ANKFN1: variants seen among roughly 807,000 people sequenced by gnomAD.
ANKFN1 encodes the protein ankyrin repeat and fibronectin type III domain containing 1, also known as ankyrin repeat and fibronectin type-III domain-containing protein 1.
A neutral mutation model predicts 108.7 loss-of-function variants in ANKFN1; 74 were observed. The ratio of observed to expected loss-of-function variants is 0.68; its 90% CI spans 0.56 to 0.83. The LOEUF is 0.83. ANKFN1 is among the 40% of genes least tolerant of loss of function. The probability of loss-of-function intolerance (pLI) is 0.00; values close to 1 mark genes in which losing one functional copy is unlikely to be tolerated. For missense variants in ANKFN1, 1,505 were observed against 1,382.3 expected, an observed-to-expected ratio of 1.09 and a Z score of -1.41; for synonymous variants, 547 against 516.2, an observed-to-expected ratio of 1.06 and a Z score of -0.81.
At chr17:56,404,224 G>A (rs557567544) in intron 8 of ANKFN1, among the ~76,000 whole-genome samples, 1 of 152,202 alleles carries the variant, frequency 6.6e-6, no homozygotes, top group African/African-American at 2.4e-5. Flanking sequence ...GCAAGGCTGG[G>A]GAAGATTTCC....
chr17:56,093,959 C>T (rs909758727), intron 4 of ANKFN1, among the ~76,000 whole-genome samples: 1 of 151,226 alleles, frequency 6.6e-6, no homozygotes, highest in Non-Finnish European at 1.5e-5. Context: ...GTGAAGTAAT[C>T]GGGTAAGTCC....
At chr17:56,417,383 A>C (rs2048273660) in intron 8 of ANKFN1, among the ~76,000 whole-genome samples, 1 of 152,158 alleles carries the variant, frequency 6.6e-6, no homozygotes, top group African/African-American at 2.4e-5. Context: ...AAATACATAA[A>C]TTTAAAATCC....
At chr17:56,367,814 C>A (rs948713792) in intron 6 of ANKFN1, among the ~76,000 whole-genome samples, 1 of 152,174 alleles carries the variant, frequency 6.6e-6, no homozygotes, top group African/African-American at 2.4e-5. Flanking sequence ...AATGATAAAA[C>A]AGACATAGCC....
At chr17:56,116,399 G>T (rs889544698) in intron 4 of ANKFN1, among the ~76,000 whole-genome samples, 1 of 152,076 alleles carries the variant, frequency 6.6e-6, no homozygotes, top group African/African-American at 2.4e-5. Flanking sequence ...GGTTTGTTTG[G>T]ACCTTCCAAG....
chr17:56,295,097 A>C (rs926866411), intron 3 of ANKFN1, among the ~76,000 whole-genome samples: 1 of 152,226 alleles, frequency 6.6e-6, no homozygotes, highest in African/African-American at 2.4e-5. Context: ...ATTGGAAAAC[A>C]CTGGGTTTCC....
At chr17:56,503,557 T>A (rs1349560930) in intron 20 of ANKFN1, among the ~76,000 whole-genome samples, 1 of 143,084 alleles carries the variant, frequency 7.0e-6, no homozygotes, top group African/African-American at 2.7e-5. Flanking sequence ...ACTGTGAAGA[T>A]AGATTTTTGG....
At position 56,142,673 on chromosome 17, in the gene ANKFN1, G is replaced by A. The variant is rs1292496708; in HGVS notation, c.289-85244G>A. On this transcript the variant is annotated intron_variant, in intron 4 of 12. Transcript: ENST00000635860. ...ATCCTATCCTGTATTTCCTCATGCT[G>A]AAGCCTTCATTTCTTGAGAACCAGG... Among the ~76,000 whole-genome samples, 6 of 152,262 alleles carry A rather than the reference G, an allele frequency of 3.9e-5. No homozygotes were observed. The East Asian group carries it at 1.2e-3, about 29-fold the overall frequency.
chr17:56,232,229 T>A (rs977192353), intron 3 of ANKFN1, among the ~76,000 whole-genome samples: 2 of 152,166 alleles, frequency 1.3e-5, no homozygotes, highest in Non-Finnish European at 2.9e-5. Flanking sequence ...TTATCCAAGT[T>A]GCATTTTTCA....
intron 3 of ANKFN1, among the ~76,000 whole-genome samples, chr17:56,286,985 T>G (rs1484785446): frequency 6.6e-6 from 1 of 152,042 alleles, no homozygotes; most frequent in African/African-American, 2.4e-5. Context: ...CTAGGATGAG[T>G]TCCCTGATAT....
intron 6 of ANKFN1, among the ~76,000 whole-genome samples, chr17:56,360,488 G>A (rs2046487810): frequency 6.6e-6 from 1 of 152,078 alleles, no homozygotes; most frequent in African/African-American, 2.4e-5. Context: ...TTTTCTCAAT[G>A]TTTTTATTTG....
intron 8 of ANKFN1, among the ~76,000 whole-genome samples, chr17:56,430,752 G>T (rs116675102): frequency 0.02 from 3,057 of 152,232 alleles, 93 homozygotes; most frequent in African/African-American, 0.068. Context: ...GGACTATAGT[G>T]CCATATAAAG....
At chr17:56,167,435 C>G (rs1228059829) in intron 1 of ANKFN1, among the ~76,000 whole-genome samples, 1 of 150,418 alleles carries the variant, frequency 6.6e-6, no homozygotes, top group African/African-American at 2.4e-5. Context: ...TTATTAAATC[C>G]AATTGTATGC....
At chr17:56,218,160 G>A (rs16956895) in intron 2 of ANKFN1, among the ~76,000 whole-genome samples, 18,163 of 150,510 alleles carry the variant, frequency 0.12, 1,493 homozygotes, top group African/African-American at 0.22. Context: ...ACCTGGTCCC[G>A]CAACCTGTTT....
chr17:56,223,518 G>GA (rs1201605288), intron 2 of ANKFN1, among the ~76,000 whole-genome samples: 4 of 151,900 alleles, frequency 2.6e-5, no homozygotes, highest in African/African-American at 9.6e-5. Flanking sequence ...TCAAGGCTAG[G>GA]AAAAAACAAA....
chr17:56,238,965 A>C (rs943098599), intron 3 of ANKFN1, among the ~76,000 whole-genome samples: 3 of 152,138 alleles, frequency 2.0e-5, no homozygotes, highest in Admixed American at 2.0e-4. Flanking sequence ...ACAATTTTTA[A>C]AAAATCTGTT....
intron 3 of ANKFN1, among the ~76,000 whole-genome samples, chr17:56,234,405 A>C (rs759650338): frequency 1.3e-5 from 2 of 151,878 alleles, no homozygotes; most frequent in Non-Finnish European, 2.9e-5. Flanking sequence ...TATATAGGTA[A>C]AATTATGTTA....
intron 4 of ANKFN1, among the ~76,000 whole-genome samples, chr17:56,142,980 C>T (rs1429698684): frequency 1.3e-5 from 2 of 152,110 alleles, no homozygotes; most frequent in African/African-American, 4.8e-5. Flanking sequence ...CCCAGGAATG[C>T]ATTTGGAGGC....
intron 3 of ANKFN1, among the ~76,000 whole-genome samples, chr17:56,244,557 GT>G (rs1347943002): frequency 1.3e-5 from 2 of 152,136 alleles, no homozygotes; most frequent in African/African-American, 4.8e-5. Flanking sequence ...GAATGAGTGA[GT>G]GATGTTACCA....
intron 3 of ANKFN1, among the ~76,000 whole-genome samples, chr17:56,233,459 A>T (rs150828235): frequency 0.014 from 2,094 of 152,160 alleles, 31 homozygotes; most frequent in Non-Finnish European, 0.02. Flanking sequence ...TATTCTAAAG[A>T]TCTTCTTAAC....
Sources: gnomAD v4.1 joint callset for allele counts (sites outside exome capture counted in the v4.1 genomes callset) on GRCh38, gnomAD v4.1.1 for gene constraint, MANE v1.5 for transcripts, NCBI Gene and HGNC (gene_info 2026-07-23, HGNC 2026-07-21) for gene names.